The following RASSF2 variants were observed in gnomAD, a reference collection of about 807,000 sequenced individuals.
RASSF2 encodes the protein Ras association domain family member 2.
In RASSF2, 34 loss-of-function variants were observed where a neutral mutation model predicts 46.3. The observed-to-expected ratio is 0.73, with a 90% confidence interval of 0.56 to 0.98. RASSF2 has a LOEUF of 0.98. Among genes scored for constraint, RASSF2 ranks in the 50% least tolerant of loss-of-function variants. The pLI is 0.00. For missense variants in RASSF2, 364 were observed against 431.2 expected (o/e 0.84, Z 1.38); for synonymous variants, 158 against 162.5 (o/e 0.97, Z 0.21).
chr20:4,800,842 T>C, intron 3 of RASSF2, 130 bp downstream of exon 3: 1 of 763,562 alleles, frequency 1.3e-6, no homozygotes, highest in East Asian at 2.6e-5. Context: ...GCTTGGCTCC[T>C]TCCCCCATGC....
At chr20:4,785,730 CT>C (rs2122408727) in intron 11 of RASSF2, among the ~76,000 whole-genome samples, 1 of 152,210 alleles carries the variant, frequency 6.6e-6, no homozygotes, top group East Asian at 1.9e-4. Context: ...GCCTTCACCC[CT>C]TCAGGCAAGG....
intron 2 of RASSF2, among the ~76,000 whole-genome samples, chr20:4,802,912 A>AT (rs1248904141): frequency 0.12 from 7,175 of 59,758 alleles, 256 homozygotes; most frequent in African/African-American, 0.16. Context: ...ATATATATAT[A>AT]TATTTTTTTT....
chr20:4,800,661 C>T (rs1299068816), intron 3 of RASSF2, among the ~76,000 whole-genome samples: 1 of 152,114 alleles, frequency 6.6e-6, no homozygotes, highest in Non-Finnish European at 1.5e-5. Context: ...AGATAGCGAA[C>T]AGCCACCAGC....
At chr20:4,793,636 ATTTTTT>A (rs1451641989) in intron 5 of RASSF2, among the ~76,000 whole-genome samples, 2 of 147,452 alleles carry the variant, frequency 1.4e-5, no homozygotes, top group African/African-American at 5.0e-5. Context: ...CAGCATCCTT[ATTTTTT>A]TTTTTTATTT....
At position 4,792,720 on chromosome 20, in the gene RASSF2, G is replaced by A. The variant is rs1387363249; in HGVS notation, c.288-93C>T. 5 of 1,497,414 alleles carry A rather than the reference G, an allele frequency of 3.3e-6. No homozygotes were observed. The East Asian group carries it at 1.2e-4, about 37-fold the overall frequency. 92.8% of individuals were successfully genotyped at this position (1,497,414 alleles called of 1,614,324 possible). A position where few individuals can be genotyped will look rare whatever the true frequency, so the allele number is the denominator to read the frequency against. On this transcript the variant is annotated intron_variant, in intron 5 of 11. Coordinates refer to ENST00000379400, the MANE Select transcript of RASSF2 (RefSeq NM_014737.3). ...CCCGCTGGACCCCACTCCTGAAAGG[G>A]GAGCACTTTGCTAGTGCCAGGCTGG...
chr20:4,794,474 C>T (rs1926168938), intron 5 of RASSF2, among the ~76,000 whole-genome samples: 1 of 151,810 alleles, frequency 6.6e-6, no homozygotes, highest in Non-Finnish European at 1.5e-5. Context: ...GAGGCTGAGG[C>T]ACGAATCGCT....
chr20:4,786,886 C>T (rs1270582272), intron 10 of RASSF2, among the ~76,000 whole-genome samples: 3 of 151,970 alleles, frequency 2.0e-5, no homozygotes, highest in Admixed American at 1.3e-4. Context: ...GAGTTCAAGA[C>T]CAGCTGGCCA....
chr20:4,788,278 G>A lies in RASSF2; in HGVS notation c.640-10C>T. The stretch of plus-strand genomic sequence containing the variant: ...CTGCTGAATTCTCAATCTGAAGCAG[G>A]AGCAAAAGATTCTTGTTGAAAGTTT... On this transcript the variant is annotated splice_polypyrimidine_tract_variant and intron_variant, in intron 8 of 11. Transcript: ENST00000379400. 2 of 1,604,106 alleles carry A rather than the reference G, an allele frequency of 1.2e-6. No homozygotes were observed. The highest frequency in any genetic ancestry group is 1.7e-6 in the Non-Finnish European group (2 of 1,170,926).
chr20:4,818,082 C>A (rs1178646700), intron 2 of RASSF2, among the ~76,000 whole-genome samples: 1 of 152,108 alleles, frequency 6.6e-6, no homozygotes, highest in East Asian at 1.9e-4. Context: ...GCCTGGCCAA[C>A]ATGGTGAAAC....
intron 10 of RASSF2, among the ~76,000 whole-genome samples, chr20:4,786,579 G>A (rs1925362531): frequency 6.6e-6 from 1 of 152,112 alleles, no homozygotes; most frequent in South Asian, 2.1e-4. Context: ...TTCATGATGA[G>A]GTGAAGCCAA....
At position 4,790,561 on chromosome 20, in the gene RASSF2, T is replaced by G; in HGVS notation, c.427A>C (p.Thr143Pro). 1 of 1,538,946 alleles carries G rather than the reference T, an allele frequency of 6.5e-7. No homozygotes were observed. The highest frequency in any genetic ancestry group is 8.7e-7 in the Non-Finnish European group (1 of 1,150,876). Residue 143 changes from threonine to proline, a missense_variant, in exon 7 of 12, where the codon ACA becomes CCA. By Grantham distance (38) the Thr-to-Pro change is conservative. Coordinates refer to ENST00000379400, the MANE Select transcript of RASSF2 (RefSeq NM_014737.3). The surrounding 1 kb of genome is among the most constrained non-coding windows in gnomAD (Gnocchi z 4.3). ...CGACGCACCCCAACATCACTGCGTG[T>G]GCGCATCAGCTGTGGGGTGTCCTCC... ...LQEDTPQLMR[T>P]RSDVGVRRRG...
In RASSF2 at chr20:4,784,146, G is replaced by T; in HGVS notation, c.*127C>A. 1 of 936,746 alleles carries T rather than the reference G, an allele frequency of 1.1e-6. No individual in the cohort carries two copies. The highest frequency in any genetic ancestry group is 1.7e-6 in the Non-Finnish European group (1 of 591,904). 58.0% of individuals were successfully genotyped at this position (936,746 alleles called of 1,614,324 possible). A position where few individuals can be genotyped will look rare whatever the true frequency, so the allele number is the denominator to read the frequency against. On this transcript the variant is annotated 3_prime_UTR_variant, in exon 12 of 12. Transcript: ENST00000379400. ...CTACATCCAGCTCCAGGTAGCAAAT[G>T]ATGGCTTGGCCGGAGCTGGGGAGGT...
intron 2 of RASSF2, among the ~76,000 whole-genome samples, chr20:4,819,660 A>T (rs1928563834): frequency 6.6e-6 from 1 of 152,208 alleles, no homozygotes; most frequent in Non-Finnish European, 1.5e-5. Context: ...GATGCAATTC[A>T]AACTCCAAAT....
chr20:4,804,513 A>T (rs937941173), intron 2 of RASSF2, among the ~76,000 whole-genome samples: 1 of 151,830 alleles, frequency 6.6e-6, no homozygotes. Flanking sequence ...AATTTTTTGT[A>T]TTTTTAGTGG....
At chr20:4,787,245 A>T (rs1925436754) in intron 10 of RASSF2, among the ~76,000 whole-genome samples, 1 of 152,146 alleles carries the variant, frequency 6.6e-6, no homozygotes, top group African/African-American at 2.4e-5. Flanking sequence ...GGAGGCTTCA[A>T]ATATGCTTAC....
chr20:4,801,740 T>C (rs1484227787), intron 2 of RASSF2, among the ~76,000 whole-genome samples: 1 of 152,090 alleles, frequency 6.6e-6, no homozygotes, highest in Non-Finnish European at 1.5e-5. Flanking sequence ...ATTTGTTTTG[T>C]TTTGTTTTGT....
chr20:4,807,017 A>G (rs1447433568), intron 2 of RASSF2, among the ~76,000 whole-genome samples: 2 of 152,240 alleles, frequency 1.3e-5, no homozygotes, highest in Admixed American at 6.5e-5. Context: ...AGAGAATTTG[A>G]TTCTTAAAAC....
At chr20:4,817,207 T>C (rs1928387828) in intron 2 of RASSF2, among the ~76,000 whole-genome samples, 4 of 152,240 alleles carry the variant, frequency 2.6e-5, no homozygotes, top group Admixed American at 2.6e-4. Flanking sequence ...ATGCCATGGT[T>C]AACTAATGTA....
intron 6 of RASSF2, 74 bp downstream of exon 6, chr20:4,792,465 C>G: frequency 6.3e-7 from 1 of 1,584,982 alleles, no homozygotes; most frequent in Non-Finnish European, 8.6e-7. Flanking sequence ...AAATAAATAA[C>G]AGTTTACAAC....
Sources: allele counts gnomAD v4.1 joint callset (sites outside exome capture counted in the v4.1 genomes callset), GRCh38; gene constraint gnomAD v4.1.1; non-coding constraint Gnocchi (gnomAD v3.1); transcripts MANE v1.5; gene names NCBI Gene and HGNC (gene_info 2026-07-23, HGNC 2026-07-21).